TRPM3: variants seen among roughly 807,000 people sequenced by gnomAD.
TRPM3 encodes the protein long transient receptor potential channel 3.
A neutral mutation model predicts 181.2 loss-of-function variants in TRPM3; 77 were observed. That is an observed-to-expected ratio of 0.42 (90% confidence interval 0.35 to 0.51). TRPM3 has a LOEUF of 0.51. Ranked by LOEUF, TRPM3 falls within the 20% of genes least tolerant of loss-of-function variation. The probability of loss-of-function intolerance (pLI) is 0.01; values close to 1 mark genes in which losing one functional copy is unlikely to be tolerated. For synonymous variants in TRPM3, 745 were observed against 796.4 expected (o/e 0.94, Z 1.09); for missense variants, 1,759 against 2,196.7 (o/e 0.80, Z 3.98).
intron 1 of TRPM3, among the ~76,000 whole-genome samples, chr9:71,213,114 T>C (rs1012683821): frequency 3.3e-5 from 5 of 152,214 alleles, no homozygotes; most frequent in Admixed American, 1.3e-4. Context: ...ATTTAAGCTT[T>C]ACAGGCCATA....
intron 7 of TRPM3, among the ~76,000 whole-genome samples, chr9:70,762,732 T>C (rs2078369811): frequency 6.6e-6 from 1 of 152,310 alleles, no homozygotes; most frequent in East Asian, 1.9e-4. Context: ...TTTGTTCTAT[T>C]TCACAGGCAG....
intron 1 of TRPM3, among the ~76,000 whole-genome samples, chr9:71,436,402 G>A (rs1333652544): frequency 7.6e-5 from 11 of 144,000 alleles, no homozygotes; most frequent in African/African-American, 2.1e-4. Flanking sequence ...TCCTGGGTTC[G>A]AGCGATTCCC....
At chr9:71,189,903 C>T (rs1182345894) in intron 1 of TRPM3, among the ~76,000 whole-genome samples, 1 of 151,848 alleles carries the variant, frequency 6.6e-6, no homozygotes, top group Non-Finnish European at 1.5e-5. Flanking sequence ...TACATATCAA[C>T]AGTCATATAT....
intron 1 of TRPM3, among the ~76,000 whole-genome samples, chr9:71,232,491 CTTTTTTTTTTT>C (rs71352362): frequency 1.2e-4 from 7 of 59,126 alleles, no homozygotes; most frequent in African/African-American, 1.5e-4. Flanking sequence ...AATTCAGTGT[CTTTTTTTTTTT>C]TTTTTTTTTT....
At chr9:71,130,064 AC>A (rs1390061681) in intron 1 of TRPM3, among the ~76,000 whole-genome samples, 1 of 152,210 alleles carries the variant, frequency 6.6e-6, no homozygotes, top group African/African-American at 2.4e-5. Context: ...TTAAACATAT[AC>A]AAACTCATGT....
chr9:70,640,821 T>G (rs1170089063), intron 9 of TRPM3, among the ~76,000 whole-genome samples, 161 bp from the exon 10 acceptor site: 1 of 152,206 alleles, frequency 6.6e-6, no homozygotes, highest in East Asian at 1.9e-4. Context: ...TATTAACATT[T>G]TGGGTAACTC....
intron 1 of TRPM3, among the ~76,000 whole-genome samples, chr9:71,194,333 C>G (rs1014483290): frequency 6.6e-6 from 1 of 151,814 alleles, no homozygotes; most frequent in Admixed American, 6.6e-5. Context: ...TTTCATAAAC[C>G]CTGTTTCCTC....
At chr9:70,772,216 G>A (rs1165580730) in intron 7 of TRPM3, among the ~76,000 whole-genome samples, 4 of 152,056 alleles carry the variant, frequency 2.6e-5, no homozygotes, top group African/African-American at 7.2e-5. Context: ...ACAATGAAAT[G>A]AAATTTAAAA....
chr9:70,853,676 T>G (rs2095306592), intron 3 of TRPM3, among the ~76,000 whole-genome samples: 1 of 152,184 alleles, frequency 6.6e-6, no homozygotes, highest in African/African-American at 2.4e-5. Context: ...AAAGGAACAT[T>G]TGGTTAACTG....
intron 1 of TRPM3, among the ~76,000 whole-genome samples, chr9:71,376,740 A>G (rs972763029): frequency 8.5e-5 from 13 of 152,200 alleles, no homozygotes; most frequent in Middle Eastern, 3.4e-3. Context: ...TTTTTATTCA[A>G]TTATATTCTA....
At chr9:71,050,438 T>C (rs1297944168) in intron 1 of TRPM3, among the ~76,000 whole-genome samples, 1 of 152,180 alleles carries the variant, frequency 6.6e-6, no homozygotes, top group East Asian at 1.9e-4. Flanking sequence ...CTAGACTAGT[T>C]TTAAAGTCCC....
chr9:70,676,625 G>A (rs903169362), intron 9 of TRPM3, among the ~76,000 whole-genome samples: 9 of 152,072 alleles, frequency 5.9e-5, no homozygotes, highest in South Asian at 4.1e-4. Flanking sequence ...AGGGGTTAGC[G>A]GACCTCCCTA....
chr9:70,792,628 GGA>G (rs2085761103), intron 6 of TRPM3, among the ~76,000 whole-genome samples: 1 of 148,112 alleles, frequency 6.8e-6, no homozygotes, highest in South Asian at 2.2e-4. Context: ...AAGGGAGACA[GGA>G]GAGAGAGAAA....
intron 9 of TRPM3, among the ~76,000 whole-genome samples, chr9:70,680,393 T>C (rs1467617388): frequency 6.6e-6 from 1 of 152,218 alleles, no homozygotes; most frequent in African/African-American, 2.4e-5. Flanking sequence ...GAAGAGTAGA[T>C]ACACTGGAAA....
rs1589201539 is a variant in TRPM3, at chr9:70,848,669, C to T, written c.463-2078G>A. Among the ~76,000 whole-genome samples the T allele has an allele frequency of 2.0e-5, 3 of 152,290 alleles. No individual in the cohort carries two copies. In the South Asian group the frequency reaches 6.2e-4, roughly 32 times the overall value. On this transcript the variant is annotated intron_variant, in intron 3 of 25. Transcript: ENST00000677713. ...CAACAATAGACACCTGAAGCCAAAA[C>T]CTTCCATGTGTCAAAAGAAATTACC... is the stretch of plus-strand genomic sequence containing the variant.
chr9:71,291,004 T>C (rs889177697), intron 1 of TRPM3, among the ~76,000 whole-genome samples: 3 of 151,936 alleles, frequency 2.0e-5, no homozygotes, highest in African/African-American at 7.3e-5. Context: ...AAAACACAGA[T>C]GATATTTGAT....
At chr9:71,341,245 G>A (rs1424307963) in intron 1 of TRPM3, among the ~76,000 whole-genome samples, 2 of 152,130 alleles carry the variant, frequency 1.3e-5, no homozygotes, top group Non-Finnish European at 1.5e-5. Context: ...GTCAACAAAA[G>A]TGTAAGCAGA....
intron 9 of TRPM3, among the ~76,000 whole-genome samples, chr9:70,654,586 G>A (rs988983698): frequency 5.3e-5 from 8 of 151,828 alleles, no homozygotes; most frequent in African/African-American, 1.9e-4. Context: ...AAACCCCTAG[G>A]CCACAGCTCA....
chr9:71,230,000 A>G (rs1410711349), intron 1 of TRPM3, among the ~76,000 whole-genome samples: 2 of 152,188 alleles, frequency 1.3e-5, no homozygotes, highest in East Asian at 3.8e-4. Flanking sequence ...GCACTATTCA[A>G]AGTGGCCAAG....
Sources: gnomAD v4.1 joint callset for allele counts (sites outside exome capture counted in the v4.1 genomes callset) on GRCh38, gnomAD v4.1.1 for gene constraint, MANE v1.5 for transcripts, NCBI Gene and HGNC (gene_info 2026-07-23, HGNC 2026-07-21) for gene names.